Variants in TMEM143 observed in about 807,000 individuals in gnomAD.
The protein encoded by TMEM143 is transmembrane protein 143.
Under a neutral mutation model 40.3 loss-of-function variants are expected in TMEM143, and 45 were observed. That is an observed-to-expected ratio of 1.12 (90% CI 0.88 to 1.43). The LOEUF (loss-of-function observed/expected upper bound fraction) is 1.43, where lower values mean the gene tolerates loss of function less well. Among genes scored for constraint, TMEM143 ranks in the 40% most tolerant of loss-of-function variants. The pLI, the probability that TMEM143 is intolerant of heterozygous loss-of-function variation, is 0.00. For synonymous variants in TMEM143, 299 were observed against 282.7 expected (o/e 1.06, Z -0.58); for missense variants, 620 against 613.4 (o/e 1.01, Z -0.11).
In TMEM143 at chr19:48,348,517, G is replaced by A. The variant is rs2147372383; in HGVS notation, c.370-3163C>T. 1.3e-5 allele frequency among the ~76,000 whole-genome samples: 2 copies of A among 152,260 alleles called. 1 individual carries two copies. The highest frequency in any genetic ancestry group is 4.1e-4 in the South Asian group (2 of 4,828). ...CCCCTGCCAATCGGTTCTTTACACA[G>A]CTTCCAGGGAGATCTCGTCAAACAA... On this transcript the variant is annotated intron_variant, in intron 3 of 7. Coordinates refer to ENST00000293261, the MANE Select transcript of TMEM143 (RefSeq NM_018273.4).
chr19:48,356,204 G>A (rs4393681), intron 3 of TMEM143, among the ~76,000 whole-genome samples: 2,515 of 149,328 alleles, frequency 0.017, 66 homozygotes, highest in African/African-American at 0.058. Flanking sequence ...TGCAACCTCC[G>A]CCTCCTGGGT....
In TMEM143 at chr19:48,345,333, G is replaced by A. The variant is rs1969598881; in HGVS notation, c.391C>T (p.Pro131Ser). The A allele has an allele frequency of 1.3e-6, 2 of 1,576,178 alleles. No individual in the cohort carries two copies. Among genetic ancestry groups the A allele is most frequent in the Admixed American group, 3.7e-5 (2 of 54,698 alleles). The change falls in exon 4 of 8, where the codon CCT (proline) becomes TCT (serine). Residue 131 changes from proline to serine, a missense_variant. By Grantham distance (74) the Pro-to-Ser change is moderately conservative. Transcript: ENST00000293261. The stretch of plus-strand genomic sequence containing the variant: ...GGCTGATCGAGGGTCTCCCTGTCAG[G>A]GTTGATGGGGTCATATAAGGCCTAA... ...RLQALYDPIN[P>S]DRETLDQPSL...
At position 48,363,342 on chromosome 19, in the gene TMEM143, G is replaced by A; in HGVS notation, c.213C>T (p.Arg71=). The part of the protein sequence containing the change: ...REPRDWAQQY[R]ERFIPFSKEQ... The stretch of plus-strand genomic sequence containing the variant: ...CCTTGGAGAAGGGAATGAAGCGCTC[G>A]CGGTACTGCTGGGCCCAGTCGCGGG... The change falls in exon 2 of 8, where the codon CGC becomes CGT. Residue 71 remains arginine (R), a synonymous_variant. Coordinates refer to ENST00000293261, the MANE Select transcript of TMEM143 (RefSeq NM_018273.4). The A allele has an allele frequency of 6.2e-7, 1 of 1,614,210 alleles. No individual in the cohort carries two copies. The highest frequency in any genetic ancestry group is 8.5e-7 in the Non-Finnish European group (1 of 1,180,030).
At chr19:48,336,587 C>T (rs141690397) in intron 6 of TMEM143, among the ~76,000 whole-genome samples, 5 of 151,716 alleles carry the variant, frequency 3.3e-5, no homozygotes, top group South Asian at 2.1e-4. Context: ...CTGTAATTCC[C>T]GCTACTCAGG....
chr19:48,336,255 T>C (rs1347385387), intron 6 of TMEM143, among the ~76,000 whole-genome samples: 2 of 151,868 alleles, frequency 1.3e-5, no homozygotes, highest in African/African-American at 2.4e-5. Flanking sequence ...CGGTGGTTCA[T>C]GCCTGTAATT....
chr19:48,354,178 C>T (rs1969833973), intron 3 of TMEM143, among the ~76,000 whole-genome samples: 1 of 150,964 alleles, frequency 6.6e-6, no homozygotes, highest in African/African-American at 2.4e-5. Flanking sequence ...AGATTGGTCT[C>T]GAAATCCTGA....
intron 6 of TMEM143, among the ~76,000 whole-genome samples, chr19:48,340,213 GC>G (rs1247661601): frequency 2.3e-5 from 3 of 130,136 alleles, no homozygotes; most frequent in Non-Finnish European, 4.6e-5. Context: ...TGCAACCTCT[GC>G]CCCCTGGGTT....
At position 48,343,460 on chromosome 19, in the gene TMEM143, G is replaced by C. The variant is rs1037655403; in HGVS notation, c.565-9C>G. On this transcript the variant is annotated splice_polypyrimidine_tract_variant and intron_variant, in intron 4 of 7. Coordinates refer to ENST00000293261, the MANE Select transcript of TMEM143 (RefSeq NM_018273.4). ...TCCAAATTTACTGTCACCTGCCGGG[G>C]GGATGAAGGAAGCAGTGGCGGGTGA... The C allele has an allele frequency of 1.3e-6, 2 of 1,570,590 alleles. No homozygotes were observed. Among genetic ancestry groups the C allele is most frequent in the African/African-American group, 2.7e-5 (2 of 74,274 alleles).
intron 6 of TMEM143, 116 bp downstream of exon 6, chr19:48,342,406 AAGGGAGGG>A (rs74189410): frequency 9.4e-6 from 11 of 1,165,814 alleles, no homozygotes; most frequent in East Asian, 5.3e-5. Context: ...GGAAGGAAGG[AAGGGAGGG>A]AGGGAGGGAG....
At chr19:48,360,520 G>A (rs1274225055) in intron 2 of TMEM143, 1 of 269,234 alleles carries the variant, frequency 3.7e-6, no homozygotes, top group East Asian at 1.4e-4. Flanking sequence ...GGAGGCTGCA[G>A]TGAGTCGAGA....
chr19:48,361,066 G>C (rs560785978), intron 2 of TMEM143, among the ~76,000 whole-genome samples: 5 of 152,044 alleles, frequency 3.3e-5, no homozygotes, highest in Non-Finnish European at 7.4e-5. Flanking sequence ...GGGAGGCTGA[G>C]CCACCATACC....
chr19:48,359,950 T>C, intron 3 of TMEM143, 122 bp downstream of exon 3: 1 of 909,184 alleles, frequency 1.1e-6, no homozygotes, highest in East Asian at 2.6e-5. Flanking sequence ...ACCTGTCATG[T>C]TCACTATTGA....
chr19:48,357,711 T>C (rs1753299809), intron 3 of TMEM143, among the ~76,000 whole-genome samples: 1 of 144,834 alleles, frequency 6.9e-6, no homozygotes, highest in Admixed American at 6.7e-5. Flanking sequence ...ATAAAGAAAA[T>C]ATGGTCTATA....
Position 48,343,376 on chromosome 19 carries a change from T to G in TMEM143, c.640A>C (p.Lys214Gln). 1 of 1,608,298 alleles carries G rather than the reference T, an allele frequency of 6.2e-7. No homozygotes were observed. Among genetic ancestry groups the G allele is most frequent in the Non-Finnish European group, 8.5e-7 (1 of 1,177,578 alleles). ...LGQRVGQMPL[K>Q]SSVGSRRGFF... is the part of the protein sequence containing the mutation. ...CCACGCCTGGAGCCCACGCTGGACT[T>G]CAGGGGCATCTGCCCGACTCGCTGG... The change falls in exon 5 of 8, where the codon AAG (lysine) becomes CAG (glutamine). Residue 214 changes from lysine to glutamine, a missense_variant. Coordinates refer to ENST00000293261, the MANE Select transcript of TMEM143 (RefSeq NM_018273.4).
intron 2 of TMEM143, among the ~76,000 whole-genome samples, chr19:48,361,981 CAT>C (rs748290188): frequency 2.6e-5 from 4 of 151,742 alleles, no homozygotes; most frequent in East Asian, 3.9e-4. Flanking sequence ...CCTATATACA[CAT>C]GTGTTTACAT....
At chr19:48,334,742 G>T (rs1045834099) in intron 6 of TMEM143, among the ~76,000 whole-genome samples, 1 of 151,844 alleles carries the variant, frequency 6.6e-6, no homozygotes, top group African/African-American at 2.4e-5. Context: ...ACAGGTGTGC[G>T]CCACCAAGCC....
chr19:48,359,698 G>A (rs1209734395), intron 3 of TMEM143, among the ~76,000 whole-genome samples: 2 of 151,762 alleles, frequency 1.3e-5, no homozygotes, highest in African/African-American at 2.4e-5. Flanking sequence ...TAGTAGAGAC[G>A]AGGTTTCACC....
intron 6 of TMEM143, among the ~76,000 whole-genome samples, chr19:48,339,064 G>C (rs1486465025): frequency 6.6e-6 from 1 of 151,930 alleles, no homozygotes; most frequent in East Asian, 1.9e-4. Context: ...AGGCTGGGAA[G>C]CAGGGTCCCT....
At chr19:48,339,725 C>G (rs577205150) in intron 6 of TMEM143, among the ~76,000 whole-genome samples, 22 of 151,986 alleles carry the variant, frequency 1.4e-4, no homozygotes, top group African/African-American at 4.8e-4. Flanking sequence ...TTTTTTGTTT[C>G]TTTGTTTGTT....
Sources: gnomAD v4.1 joint callset for allele counts (sites outside exome capture counted in the v4.1 genomes callset) on GRCh38, gnomAD v4.1.1 for gene constraint, MANE v1.5 for transcripts, NCBI Gene and HGNC (gene_info 2026-07-23, HGNC 2026-07-21) for gene names.